The following FBXO42 variants were observed in gnomAD, a reference collection of about 807,000 sequenced individuals.
The protein encoded by FBXO42 is F-box only protein 42.
Under a neutral mutation model 71.7 loss-of-function variants are expected in FBXO42, and 12 were observed. The observed-to-expected ratio is 0.17, with a 90% confidence interval of 0.11 to 0.27. FBXO42 has a LOEUF of 0.27. Ranked by LOEUF, FBXO42 falls within the 10% of genes least tolerant of loss-of-function variation. FBXO42 has a pLI of 1.00. For synonymous variants in FBXO42, 325 were observed against 327.5 expected (o/e 0.99, Z 0.08); for missense variants, 707 against 911.9 (o/e 0.78, Z 2.89).
intron 1 of FBXO42, among the ~76,000 whole-genome samples, chr1:16,350,937 T>C (rs956581305): frequency 6.6e-6 from 1 of 152,110 alleles, no homozygotes; most frequent in African/African-American, 2.4e-5. Context: ...GGGTATAAAA[T>C]GACAACATAC....
intron 3 of FBXO42, among the ~76,000 whole-genome samples, chr1:16,303,894 C>T (rs996955408): frequency 2.0e-5 from 3 of 151,752 alleles, no homozygotes; most frequent in East Asian, 1.9e-4. Context: ...TACAGGCGCC[C>T]GCCACCATGC....
chr1:16,292,264 T>G (rs1333146255), intron 4 of FBXO42: 2 of 152,252 alleles, frequency 1.3e-5, no homozygotes, highest in African/African-American at 4.8e-5. Flanking sequence ...AACCTTTTCT[T>G]TGGCTTCCCT....
chr1:16,350,749 A>AGAAAGACAAGAAAGAAAGAC (rs148379808), intron 1 of FBXO42, among the ~76,000 whole-genome samples: 1 of 48,118 alleles, frequency 2.1e-5, no homozygotes, highest in Non-Finnish European at 3.6e-5. Flanking sequence ...ACTGCAAAAA[A>AGAAAGACAAGAAAGAAAGAC]AAAAAAAAAA....
At chr1:16,331,935 A>AGGCT (rs1384816806) in intron 1 of FBXO42, among the ~76,000 whole-genome samples, 4 of 152,032 alleles carry the variant, frequency 2.6e-5, no homozygotes, top group African/African-American at 9.7e-5. Context: ...CTGTAATCCC[A>AGGCT]GCACTCGGGA....
intron 1 of FBXO42, among the ~76,000 whole-genome samples, chr1:16,326,014 T>TTGTGTGTGTGTGTGTGTG (rs34752325): frequency 0.034 from 4,651 of 137,372 alleles, 148 homozygotes; most frequent in Non-Finnish European, 0.045. Context: ...GTGCCCAAAT[T>TTGTGTGTGTGTGTGTGTG]TGTGTGTGTG....
intron 1 of FBXO42, among the ~76,000 whole-genome samples, chr1:16,318,452 A>G (rs923464407): frequency 6.6e-6 from 1 of 152,160 alleles, no homozygotes; most frequent in African/African-American, 2.4e-5. Flanking sequence ...ATAAGCCATT[A>G]TCAGCAGTTA....
intron 1 of FBXO42, among the ~76,000 whole-genome samples, chr1:16,335,216 C>A (rs1214089794): frequency 6.6e-6 from 1 of 152,032 alleles, no homozygotes; most frequent in East Asian, 1.9e-4. Context: ...CTGTTTGAGG[C>A]CAGGAGTCCA....
At chr1:16,256,859 G>A (rs1448551572) in intron 4 of FBXO42, 100 bp from the exon 5 acceptor site, 5 of 1,275,620 alleles carry the variant, frequency 3.9e-6, no homozygotes, top group Non-Finnish European at 5.5e-6. Flanking sequence ...AGCAACAAAA[G>A]GGGAACTAAT....
chr1:16,331,179 C>T (rs6696229), intron 1 of FBXO42, among the ~76,000 whole-genome samples: 3,693 of 150,822 alleles, frequency 0.024, 128 homozygotes, highest in African/African-American at 0.086. Flanking sequence ...TTTGGGAGGC[C>T]GAGGTGGGCG....
At chr1:16,303,220 T>TCCTACATGCAGCACACTAA (rs1553153035) in intron 3 of FBXO42, among the ~76,000 whole-genome samples, 1 of 152,094 alleles carries the variant, frequency 6.6e-6, no homozygotes, top group African/African-American at 2.4e-5. Context: ...GAATGAAAAC[T>TCCTACATGCAGCACACTAA]CCTACATGCA....
In FBXO42 at chr1:16,251,519, G is replaced by C. The variant is rs1557566807; in HGVS notation, c.1305C>G (p.Gly435=). The C allele has an allele frequency of 3.1e-6, 5 of 1,614,188 alleles. No homozygotes were observed. Among genetic ancestry groups the C allele is most frequent in the Non-Finnish European group, 4.2e-6 (5 of 1,180,014 alleles). The stretch of plus-strand genomic sequence containing the variant: ...AACTCCCACCATTGAGGATAGGAGA[G>C]CCGTCTCCTCTGGCTGGGGAAAGGC... ...EGSLSPARGD[G]SPILNGGSLS... Residue 435 remains glycine, a synonymous_variant, in exon 10 of 10, where the codon GGC becomes GGG. Coordinates refer to ENST00000375592, the MANE Select transcript of FBXO42 (RefSeq NM_018994.3). The surrounding 1 kb of genome is among the most constrained non-coding windows in gnomAD (Gnocchi z 4.5).
At chr1:16,254,485 C>T (rs550062660) in intron 6 of FBXO42, among the ~76,000 whole-genome samples, 3 of 152,298 alleles carry the variant, frequency 2.0e-5, no homozygotes, top group East Asian at 1.9e-4. Flanking sequence ...ACCAACATGA[C>T]GAGGACAGAC....
chr1:16,322,169 C>T (rs779956908), intron 1 of FBXO42, among the ~76,000 whole-genome samples: 1 of 152,132 alleles, frequency 6.6e-6, no homozygotes, highest in Non-Finnish European at 1.5e-5. Flanking sequence ...AGAATTAATA[C>T]AAATCTCTGG....
At chr1:16,294,962 C>A in intron 3 of FBXO42, 45 bp from the exon 4 acceptor site, 13 of 1,541,482 alleles carry the variant, frequency 8.4e-6, no homozygotes, top group African/African-American at 1.4e-5. Context: ...ATTCTGAGGC[C>A]CTTCCAACAT....
At chr1:16,265,442 A>C (rs2100459690) in intron 4 of FBXO42, among the ~76,000 whole-genome samples, 1 of 152,192 alleles carries the variant, frequency 6.6e-6, no homozygotes, top group African/African-American at 2.4e-5. Context: ...GTATTAGTTT[A>C]TTGTTAAGGA....
chr1:16,311,507 T>A (rs1378015905), intron 2 of FBXO42, among the ~76,000 whole-genome samples: 110 of 79,108 alleles, frequency 1.4e-3, no homozygotes, highest in African/African-American at 4.8e-3. Context: ...AAAAAAAATA[T>A]ATATATATAT....
intron 4 of FBXO42, among the ~76,000 whole-genome samples, chr1:16,282,414 C>A (rs571786089): frequency 6.6e-6 from 1 of 151,290 alleles, no homozygotes; most frequent in South Asian, 2.1e-4. Flanking sequence ...TTAGCAGAGA[C>A]GGGGTTTTGC....
chr1:16,291,167 T>C (rs538073966), intron 4 of FBXO42, among the ~76,000 whole-genome samples: 3 of 152,242 alleles, frequency 2.0e-5, no homozygotes, highest in Admixed American at 6.5e-5. Flanking sequence ...CTCCCCTCAG[T>C]CACCCTCCAA....
intron 1 of FBXO42, among the ~76,000 whole-genome samples, chr1:16,319,671 G>A (rs1307354461): frequency 6.6e-6 from 1 of 152,148 alleles, no homozygotes; most frequent in Admixed American, 6.5e-5. Flanking sequence ...CCAGCACTTT[G>A]GGAAGCTTAG....
Sources: allele counts gnomAD v4.1 joint callset (sites outside exome capture counted in the v4.1 genomes callset), GRCh38; gene constraint gnomAD v4.1.1; non-coding constraint Gnocchi (gnomAD v3.1); transcripts MANE v1.5; gene names NCBI Gene and HGNC (gene_info 2026-07-23, HGNC 2026-07-21).